Variants in CNTNAP2 observed in about 807,000 individuals in gnomAD.
The protein encoded by CNTNAP2 is contactin-associated protein-like 2.
CNTNAP2 carries 98 observed loss-of-function variants against 155.2 expected under a neutral mutation model. The ratio of observed to expected loss-of-function variants is 0.63; its 90% confidence interval spans 0.54 to 0.75. The LOEUF (loss-of-function observed/expected upper bound fraction) is 0.75. CNTNAP2 is among the 30% of genes least tolerant of loss of function. The pLI is 0.00. For synonymous variants in CNTNAP2, 651 were observed against 631.2 expected (o/e 1.03, Z -0.47); for missense variants, 1,727 against 1,688.1 (o/e 1.02, Z -0.40).
intron 1 of CNTNAP2, among the ~76,000 whole-genome samples, chr7:146,443,169 A>G (rs1272022070): frequency 2.6e-5 from 4 of 151,844 alleles, no homozygotes; most frequent in African/African-American, 9.7e-5. Context: ...AGTCGAGATC[A>G]CGCCACTGCA....
intron 9 of CNTNAP2, among the ~76,000 whole-genome samples, chr7:147,391,975 C>A (rs114854521): frequency 3.3e-4 from 50 of 152,168 alleles, no homozygotes; most frequent in African/African-American, 1.1e-3. Flanking sequence ...CTCCCATTTT[C>A]TTTTTCTTTT....
chr7:146,211,485 C>T (rs151095130), intron 1 of CNTNAP2, among the ~76,000 whole-genome samples: 167 of 152,130 alleles, frequency 1.1e-3, no homozygotes, highest in African/African-American at 3.8e-3. Context: ...TTAATATTTT[C>T]CTTTTTGCTT....
chr7:146,424,813 C>T (rs570388133), intron 1 of CNTNAP2, among the ~76,000 whole-genome samples: 2 of 152,142 alleles, frequency 1.3e-5, no homozygotes, highest in East Asian at 3.9e-4. Flanking sequence ...GGGAAGGGCT[C>T]AGAGAGAGTA....
intron 3 of CNTNAP2, among the ~76,000 whole-genome samples, chr7:146,854,849 C>T: frequency 6.6e-6 from 1 of 152,008 alleles, no homozygotes; most frequent in East Asian, 1.9e-4. Flanking sequence ...CTCCTACTTG[C>T]TTTTGATTTT....
intron 23 of CNTNAP2, among the ~76,000 whole-genome samples, chr7:148,413,425 T>TGTATA (rs1799898232): frequency 1.1e-5 from 1 of 90,934 alleles, no homozygotes; most frequent in African/African-American, 4.6e-5. Flanking sequence ...TATATATATA[T>TGTATA]ATATATATAT....
rs141162788 is a variant in CNTNAP2 at position 148,028,249 on chromosome 7, G to C, written c.2383+50260G>C. Among the ~76,000 whole-genome samples, 27 of 152,316 alleles carry C rather than the reference G, an allele frequency of 1.8e-4. No homozygotes were observed. The East Asian group carries it at 4.8e-3, about 27-fold the overall frequency. ...ACTGGAAAGTCATAGAAGGTGACTA[G>C]AGTAACTGATTTCTCTCAAGAGCAA... On this transcript the variant is annotated intron_variant, in intron 15 of 23. Transcript: ENST00000361727.
chr7:146,859,882 G>A (rs184163947), intron 3 of CNTNAP2, among the ~76,000 whole-genome samples: 17 of 152,128 alleles, frequency 1.1e-4, no homozygotes, highest in African/African-American at 2.9e-4. Flanking sequence ...TTCAGCTGCC[G>A]GGCTAGGAAA....
intron 21 of CNTNAP2, among the ~76,000 whole-genome samples, chr7:148,339,974 AGTGTGT>A (rs10603520): frequency 0.075 from 10,922 of 144,808 alleles, 581 homozygotes; most frequent in African/African-American, 0.16. Context: ...TCCTTCGTGC[AGTGTGT>A]GTGTGTGTGT....
At chr7:147,900,082 C>T (rs1332187865) in intron 13 of CNTNAP2, among the ~76,000 whole-genome samples, 1 of 152,148 alleles carries the variant, frequency 6.6e-6, no homozygotes, top group African/African-American at 2.4e-5. Flanking sequence ...AGTTCCCCAT[C>T]TTAATAGACT....
At chr7:147,433,538 C>A (rs1052413782) in intron 10 of CNTNAP2, among the ~76,000 whole-genome samples, 20 of 152,086 alleles carry the variant, frequency 1.3e-4, no homozygotes, top group African/African-American at 4.3e-4. Flanking sequence ...AAAAAAGAGA[C>A]CTTTCAGGCA....
At chr7:146,286,099 G>T (rs1800332661) in intron 1 of CNTNAP2, among the ~76,000 whole-genome samples, 2 of 138,066 alleles carry the variant, frequency 1.4e-5, no homozygotes, top group South Asian at 5.2e-4. Flanking sequence ...GGACTCTCTG[G>T]TTCATGGGCA....
chr7:146,226,295 T>A (rs960436273), intron 1 of CNTNAP2, among the ~76,000 whole-genome samples: 3 of 152,164 alleles, frequency 2.0e-5, no homozygotes, highest in Non-Finnish European at 4.4e-5. Flanking sequence ...TGTATTGGGA[T>A]AATTTATATG....
chr7:146,470,774 C>T (rs1290549242), intron 1 of CNTNAP2, among the ~76,000 whole-genome samples: 2 of 151,880 alleles, frequency 1.3e-5, no homozygotes, highest in Admixed American at 6.6e-5. Context: ...TTCACCATGT[C>T]GGCCAGGATG....
At chr7:146,400,369 A>G (rs1795696757) in intron 1 of CNTNAP2, among the ~76,000 whole-genome samples, 1 of 152,190 alleles carries the variant, frequency 6.6e-6, no homozygotes, top group African/African-American at 2.4e-5. Context: ...TGTTTCTGCT[A>G]TAGTAAAATA....
chr7:147,514,785 A>AC (rs376650304), intron 11 of CNTNAP2, among the ~76,000 whole-genome samples: 2 of 152,028 alleles, frequency 1.3e-5, no homozygotes, highest in African/African-American at 4.8e-5. Context: ...ACCCACGTCT[A>AC]CCCCATCAAC....
intron 1 of CNTNAP2, among the ~76,000 whole-genome samples, chr7:146,663,085 C>T (rs1800120765): frequency 6.6e-6 from 1 of 152,030 alleles, no homozygotes; most frequent in Admixed American, 6.6e-5. Flanking sequence ...CGAGACCAGC[C>T]TGGCCAATAT....
At chr7:147,515,237 A>G (rs1799098315) in intron 11 of CNTNAP2, among the ~76,000 whole-genome samples, 1 of 151,854 alleles carries the variant, frequency 6.6e-6, no homozygotes, top group Non-Finnish European at 1.5e-5. Context: ...ACCCACCTTA[A>G]CAACCATATT....
intron 5 of CNTNAP2, among the ~76,000 whole-genome samples, chr7:147,111,857 T>G (rs1376482587): frequency 1.3e-5 from 2 of 152,194 alleles, no homozygotes; most frequent in Non-Finnish European, 2.9e-5. Flanking sequence ...GACTCTTTTT[T>G]GGTTCCATGT....
chr7:148,392,294 G>A (rs1031834353), intron 22 of CNTNAP2, among the ~76,000 whole-genome samples: 1 of 140,984 alleles, frequency 7.1e-6, no homozygotes, highest in Non-Finnish European at 1.6e-5. Flanking sequence ...GGATGGTCTC[G>A]ATCTCTTGAC....
Sources: allele counts gnomAD v4.1 joint callset (sites outside exome capture counted in the v4.1 genomes callset), GRCh38; gene constraint gnomAD v4.1.1; transcripts MANE v1.5; gene names NCBI Gene and HGNC (gene_info 2026-07-23, HGNC 2026-07-21).